The following MRPS35 variants were observed in gnomAD, a reference collection of about 807,000 sequenced individuals.
MRPS35 encodes the protein mitochondrial ribosomal protein S35.
A neutral mutation model predicts 32.7 loss-of-function variants in MRPS35; 29 were observed. That is an observed-to-expected ratio of 0.89 (90% CI 0.66 to 1.21). MRPS35 has a LOEUF of 1.21. Ranked by LOEUF, MRPS35 falls within the 50% of genes most tolerant of loss-of-function variation. The pLI is 0.00. For missense variants in MRPS35, 373 were observed against 383.8 expected, an observed-to-expected ratio of 0.97 and a Z score of 0.23; for synonymous variants, 148 against 139.3, an observed-to-expected ratio of 1.06 and a Z score of -0.44.
At chr12:27,719,705 C>A in intron 3 of MRPS35, 103 bp from the exon 4 acceptor site, 13 of 655,150 alleles carry the variant, frequency 2.0e-5, no homozygotes, top group East Asian at 3.1e-5. Flanking sequence ...ATTTTATTTA[C>A]TACATGTTTT....
At chr12:27,747,145 A>G (rs534196686) in intron 7 of MRPS35, among the ~76,000 whole-genome samples, 2 of 152,216 alleles carry the variant, frequency 1.3e-5, no homozygotes, top group African/African-American at 2.4e-5. Flanking sequence ...TTTAGCCATA[A>G]TGAACATAAT....
intron 7 of MRPS35, among the ~76,000 whole-genome samples, chr12:27,743,957 C>G (rs1205250406): frequency 1.3e-5 from 2 of 152,186 alleles, no homozygotes; most frequent in African/African-American, 4.8e-5. Flanking sequence ...TGGGGAGACA[C>G]AAACATTTGG....
At chr12:27,752,949 C>G (rs2062011419) in intron 7 of MRPS35, 1 of 152,110 alleles carries the variant, frequency 6.6e-6, no homozygotes, top group Non-Finnish European at 1.5e-5. Context: ...ATGCCTTGTT[C>G]TGCTCTTACC....
chr12:27,715,751 G>A (rs965464643), intron 2 of MRPS35, among the ~76,000 whole-genome samples: 3 of 152,114 alleles, frequency 2.0e-5, no homozygotes, highest in Admixed American at 2.0e-4. Flanking sequence ...CCATCCCCTC[G>A]TATTTGATGC....
At chr12:27,738,109 A>G (rs1173944263) in intron 7 of MRPS35, among the ~76,000 whole-genome samples, 1 of 152,170 alleles carries the variant, frequency 6.6e-6, no homozygotes, top group Non-Finnish European at 1.5e-5. Flanking sequence ...CTTTTTCCAA[A>G]ATGCTTGGGA....
At chr12:27,714,091 A>G (rs1009386409) in intron 1 of MRPS35, among the ~76,000 whole-genome samples, 26 of 150,108 alleles carry the variant, frequency 1.7e-4, no homozygotes, top group Middle Eastern at 6.9e-3. Context: ...AAAAAAAAAA[A>G]AAAGAAAGAA....
intron 4 of MRPS35, among the ~76,000 whole-genome samples, chr12:27,723,195 G>T (rs917515671): frequency 6.6e-6 from 1 of 152,176 alleles, no homozygotes; most frequent in African/African-American, 2.4e-5. Context: ...TCTCTGCCAT[G>T]CTAACTTGAT....
At chr12:27,725,673 A>T (rs192651946) in intron 5 of MRPS35, 164 of 162,734 alleles carry the variant, frequency 1.0e-3, no homozygotes, top group Non-Finnish European at 1.8e-3. Context: ...GATAGGTAAA[A>T]AATTTGTCTT....
At chr12:27,751,711 T>C (rs535083181) in intron 7 of MRPS35, among the ~76,000 whole-genome samples, 1 of 152,222 alleles carries the variant, frequency 6.6e-6, no homozygotes, top group Non-Finnish European at 1.5e-5. Context: ...CACCAGTGCC[T>C]GCACAAGAGC....
Position 27,710,872 on chromosome 12 carries a change from T to C in MRPS35, c.29T>C (p.Leu10Pro), listed in dbSNP as rs1282888597. 6.2e-7 allele frequency: 1 copy of C among 1,610,970 alleles called. No homozygotes were observed. Among genetic ancestry groups the C allele is most frequent in the Non-Finnish European group, 8.5e-7 (1 of 1,179,834 alleles). ...GCGGCCGCCGCGCTCCCAGCATGGC[T>C]GTCTCTGCAGTCGAGGGCAAGGACT... MAAAALPAW[L>P]SLQSRARTLR... The change falls in exon 1 of 8, where the codon CTG (leucine) becomes CCG (proline). Residue 10 changes from leucine to proline, a missense_variant. Leu to Pro is a moderately conservative substitution (Grantham distance 98). Coordinates refer to ENST00000081029, the MANE Select transcript of MRPS35 (RefSeq NM_021821.4).
chr12:27,713,645 G>C (rs1278993294), intron 1 of MRPS35, among the ~76,000 whole-genome samples: 1 of 152,122 alleles, frequency 6.6e-6, no homozygotes, highest in Non-Finnish European at 1.5e-5. Flanking sequence ...CTGATTGGAT[G>C]ATGCCCACCC....
chr12:27,730,622 G>A (rs539605542), intron 5 of MRPS35, among the ~76,000 whole-genome samples: 56 of 152,136 alleles, frequency 3.7e-4, no homozygotes, highest in African/African-American at 1.2e-3. Flanking sequence ...GCTAGTTTTC[G>A]TATTTTTTGT....
intron 7 of MRPS35, among the ~76,000 whole-genome samples, chr12:27,745,924 C>T (rs192212585): frequency 2.0e-5 from 3 of 152,126 alleles, no homozygotes; most frequent in South Asian, 2.1e-4. Flanking sequence ...CATAGTATTC[C>T]GTGGTGTATA....
intron 3 of MRPS35, among the ~76,000 whole-genome samples, chr12:27,716,976 G>A (rs2061853828): frequency 6.6e-6 from 1 of 151,700 alleles, no homozygotes; most frequent in Non-Finnish European, 1.5e-5. Flanking sequence ...GGGCGATAGA[G>A]TGAGACTCTG....
At chr12:27,731,535 G>T (rs1233379993) in intron 5 of MRPS35, among the ~76,000 whole-genome samples, 3 of 152,152 alleles carry the variant, frequency 2.0e-5, no homozygotes, top group Non-Finnish European at 2.9e-5. Context: ...CTAGGTTTCA[G>T]TATCAGGGCT....
chr12:27,730,797 T>G (rs907489553), intron 5 of MRPS35, among the ~76,000 whole-genome samples: 4 of 152,126 alleles, frequency 2.6e-5, no homozygotes, highest in African/African-American at 9.7e-5. Context: ...GATGCTAATC[T>G]TCATCACCTG....
intron 5 of MRPS35, among the ~76,000 whole-genome samples, chr12:27,731,258 A>G (rs149401820): frequency 6.6e-6 from 1 of 152,284 alleles, no homozygotes; most frequent in African/African-American, 2.4e-5. Context: ...CATTTCTCCA[A>G]GGAGCCCTTA....
In MRPS35 at chr12:27,710,893, G is replaced by T; in HGVS notation, c.50G>T (p.Arg17Met). Residue 17 changes from arginine (R) to methionine (M), a missense_variant, in exon 1 of 8, where the codon AGG becomes ATG. Arg to Met is a moderately conservative substitution (Grantham distance 91). Transcript: ENST00000081029. ...PAWLSLQSRA[R>M]TLRAFSTAVY... is the part of the protein sequence containing the mutation. ...TGGCTGTCTCTGCAGTCGAGGGCAA[G>T]GACTCTGCGTGCATTCTCCACTGCC... 1 of 1,612,752 alleles carries T rather than the reference G, an allele frequency of 6.2e-7. No individual in the cohort carries two copies. The highest frequency in any genetic ancestry group is 1.3e-5 in the African/African-American group (1 of 75,058).
At chr12:27,748,146 G>C (rs1365036971) in intron 7 of MRPS35, among the ~76,000 whole-genome samples, 1 of 152,210 alleles carries the variant, frequency 6.6e-6, no homozygotes, top group East Asian at 1.9e-4. Flanking sequence ...CCTCGATTGT[G>C]TTAAGCCCTT....
Sources: gnomAD v4.1 joint callset for allele counts (sites outside exome capture counted in the v4.1 genomes callset) on GRCh38, gnomAD v4.1.1 for gene constraint, MANE v1.5 for transcripts, NCBI Gene and HGNC (gene_info 2026-07-23, HGNC 2026-07-21) for gene names.